RNF14: variants seen among roughly 807,000 people sequenced by gnomAD.
RNF14 encodes the protein E3 ubiquitin-protein ligase RNF14.
A neutral mutation model predicts 52.6 loss-of-function variants in RNF14; 26 were observed. That is an observed-to-expected ratio of 0.49 (90% CI 0.36 to 0.69). RNF14 has a LOEUF of 0.69. Among genes scored for constraint, RNF14 ranks in the 30% least tolerant of loss-of-function variants. The probability of loss-of-function intolerance (pLI) is 0.00; values close to 1 mark genes in which losing one functional copy is unlikely to be tolerated. For synonymous variants in RNF14, 194 were observed against 202.0 expected (o/e 0.96, Z 0.34); for missense variants, 404 against 560.4 (o/e 0.72, Z 2.82).
At position 141,983,416 on chromosome 5, in the gene RNF14, C is replaced by T. The variant is rs775057807; in HGVS notation, c.1100C>T (p.Ala367Val). 9.3e-6 allele frequency: 15 copies of T among 1,612,888 alleles called. No homozygotes were observed. Among genetic ancestry groups the T allele is most frequent in the East Asian group, 4.5e-5 (2 of 44,822 alleles). The change falls in exon 7 of 9, where the codon GCG (alanine) becomes GTG (valine). Residue 367 changes from alanine to valine, a missense_variant. By Grantham distance (64) the Ala-to-Val change is moderately conservative (BLOSUM62 0). Transcript: ENST00000394520. ...LMDLRNEYLQ[A>V]DEANKRLLDQ... ...GACTTACGAAATGAATACCTGCAAG[C>T]GGATGAGGCTAATAAAAGACTTTTG...
chr5:141,969,091 A>G (rs1218436459), upstream of RNF14: 2 of 152,344 alleles, frequency 1.3e-5, no homozygotes, highest in Non-Finnish European at 2.9e-5. Context: ...CGCCTGGCTC[A>G]GCTGACAGCT....
At chr5:141,955,192 G>T, upstream of RNF14, 2 of 1,614,242 alleles carry the variant, frequency 1.2e-6, no homozygotes, top group Non-Finnish European at 1.7e-6. This position sits in a 1 kb window ranked among gnomAD's most constrained non-coding sequence, Gnocchi z 5.5. Context: ...CAGCCTCCCT[G>T]TGGGGCTGCC....
At chr5:141,954,387 A>C (rs1341398069), upstream of RNF14, among the ~76,000 whole-genome samples, 2 of 152,230 alleles carry the variant, frequency 1.3e-5, no homozygotes, top group Non-Finnish European at 2.9e-5. Flanking sequence ...GAGATGGAGA[A>C]GTGCTTTGAG....
chr5:141,949,353 C>A, the RNF14 span: 2 of 1,501,384 alleles, frequency 1.3e-6, no homozygotes, highest in Non-Finnish European at 1.8e-6. Flanking sequence ...CTTTTCCCTG[C>A]AGTGGATTGG....
At chr5:141,955,318 G>A (rs368872362), upstream of RNF14, 76 of 1,614,088 alleles carry the variant, frequency 4.7e-5, no homozygotes, top group Middle Eastern at 1.6e-4. The surrounding 1 kb of genome is among the most constrained non-coding windows in gnomAD (Gnocchi z 5.5). Flanking sequence ...GAGGTTGACC[G>A]TGTCTTGCAG....
chr5:141,974,729 T>C (rs948435061), intron 3 of RNF14, 75 bp from the exon 4 acceptor site: 7 of 1,420,222 alleles, frequency 4.9e-6, no homozygotes, highest in Non-Finnish European at 6.9e-6. Flanking sequence ...TAAGTCTTTC[T>C]TGAGCGCTGC....
At chr5:141,960,853 A>G (rs1753269287) in intron 1 of RNF14, among the ~76,000 whole-genome samples, 2 of 152,156 alleles carry the variant, frequency 1.3e-5, no homozygotes. Context: ...AGCCTAGTTG[A>G]GAGTAATGCA....
Position 141,984,867 on chromosome 5 carries a change from T to C in RNF14, c.1301T>C (p.Met434Thr). ...GCMQYFCWIC[M>T]GSLSRANPYK... The stretch of plus-strand genomic sequence containing the variant: ...ATGCAATATTTCTGTTGGATTTGCA[T>C]GGGTTCTCTCTCTAGAGCAAACCCT... Residue 434 changes from methionine (M) to threonine (T), a missense_variant, in exon 8 of 9, where the codon ATG (methionine) becomes ACG (threonine). By Grantham distance (81) the Met-to-Thr change is moderately conservative. Coordinates refer to ENST00000394520, the MANE Select transcript of RNF14 (RefSeq NM_004290.5). 3.1e-6 allele frequency: 5 copies of C among 1,613,388 alleles called. No homozygotes were observed. Among genetic ancestry groups the C allele is most frequent in the Non-Finnish European group, 4.2e-6 (5 of 1,179,330 alleles).
chr5:141,971,174 A>T (rs546102660), intron 2 of RNF14, among the ~76,000 whole-genome samples: 1 of 152,208 alleles, frequency 6.6e-6, no homozygotes, highest in African/African-American at 2.4e-5. Flanking sequence ...CTCATTGCAT[A>T]TTTTTTTCAC....
chr5:141,983,332 C>T (rs1307437590), intron 6 of RNF14, 48 bp from the exon 7 acceptor site: 3 of 1,438,788 alleles, frequency 2.1e-6, no homozygotes, highest in Admixed American at 2.1e-5. Flanking sequence ...GATTTTTGGT[C>T]AGCATTACAA....
chr5:141,984,034 C>G lies in RNF14; in HGVS notation c.1236+482C>G, dbSNP rs142365134. Among the ~76,000 whole-genome samples the G allele has an allele frequency of 9.7e-3, 1,472 of 151,436 alleles. 14 individuals carry two copies. The highest frequency in any genetic ancestry group is 0.028 in the African/African-American group (1,171 of 41,256). On this transcript the variant is annotated intron_variant, in intron 7 of 8. Transcript: ENST00000394520. ...CATCTTAGCATTTGATTCTATTGTT[C>G]TAATCTGTTATGTCTGAACTGAACA...
intron 7 of RNF14, among the ~76,000 whole-genome samples, chr5:141,984,146 G>A (rs1755029853): frequency 6.8e-6 from 1 of 147,328 alleles, no homozygotes; most frequent in African/African-American, 2.5e-5. Context: ...TGCCCAGGCT[G>A]GAGTGCGGTA....
chr5:141,971,563 T>C (rs989509629), intron 2 of RNF14, among the ~76,000 whole-genome samples: 2 of 55,076 alleles, frequency 3.6e-5, no homozygotes, highest in African/African-American at 6.7e-5. Flanking sequence ...GCTAATTTCT[T>C]TTTCTTTCTT....
chr5:141,978,947 A>G, intron 5 of RNF14, 117 bp downstream of exon 5: 4 of 1,102,318 alleles, frequency 3.6e-6, no homozygotes, highest in Non-Finnish European at 5.2e-6. Flanking sequence ...GAGCCAGCCC[A>G]CAAGTTGTTT....
rs1459944984 is a variant in RNF14, at chr5:141,970,751, C to T, written c.-133C>T. The T allele has an allele frequency of 3.9e-5, 6 of 152,314 alleles. No individual in the cohort carries two copies. Among genetic ancestry groups the T allele is most frequent in the African/African-American group, 1.4e-4 (6 of 41,426 alleles). The allele number at this position is 152,314 out of a possible 1,614,324, so 9.4% of individuals were successfully genotyped here. On this transcript the variant is annotated 5_prime_UTR_variant, in exon 2 of 9. Transcript: ENST00000394520. ...TGTAGTATGAGTTCCACATCTTGGC[C>T]TCTTACCCAGCTTCAGCAGTCTCAG...
upstream of RNF14, chr5:141,956,173 T>G: frequency 6.2e-7 from 1 of 1,614,184 alleles, no homozygotes; most frequent in Non-Finnish European, 8.5e-7. Context: ...TGGGGCATTA[T>G]CATTGGCATC....
At chr5:141,969,333 C>T (rs773232311) in intron 1 of RNF14, 166 bp downstream of exon 1, 2 of 152,764 alleles carry the variant, frequency 1.3e-5, no homozygotes, top group East Asian at 3.8e-4. Context: ...GACCGGGCGT[C>T]CGCAGCTCGG....
Position 141,978,647 on chromosome 5 carries a change from G to T in RNF14, c.651G>T (p.Leu217Phe), listed in dbSNP as rs1326647108. 2 of 1,613,868 alleles carry T rather than the reference G, an allele frequency of 1.2e-6. No homozygotes were observed. The highest frequency in any genetic ancestry group is 2.2e-5 in the East Asian group (1 of 44,898). The stretch of plus-strand genomic sequence containing the variant: ...AGATAAAATGCTTTAATAGTAAATT[G>T]TTCCTGTGCAGTATCTGTTTCTGTG... ...AQQIKCFNSK[L>F]FLCSICFCEK... The change falls in exon 5 of 9, where the codon TTG becomes TTT. Residue 217 changes from leucine to phenylalanine, a missense_variant. By Grantham distance (22) the Leu-to-Phe change is conservative (BLOSUM62 0). Coordinates refer to ENST00000394520, the MANE Select transcript of RNF14 (RefSeq NM_004290.5).
At chr5:141,956,975 C>T (rs552569595), upstream of RNF14, 10 of 1,614,156 alleles carry the variant, frequency 6.2e-6, no homozygotes, top group Admixed American at 1.7e-4. Context: ...CTGAAGGTGT[C>T]CAGCACCTCT....
Sources: gnomAD v4.1 joint callset for allele counts (sites outside exome capture counted in the v4.1 genomes callset) on GRCh38, gnomAD v4.1.1 for gene constraint, Gnocchi (gnomAD v3.1) non-coding constraint, MANE v1.5 for transcripts, NCBI Gene and HGNC (gene_info 2026-07-23, HGNC 2026-07-21) for gene names.